SPAG8: variants seen among roughly 807,000 people sequenced by gnomAD.
The protein encoded by SPAG8 is sperm-associated antigen 8.
In SPAG8, 36 loss-of-function variants were observed where a neutral mutation model predicts 45.3. The ratio of observed to expected loss-of-function variants is 0.80; its 90% CI spans 0.61 to 1.05. The LOEUF (loss-of-function observed/expected upper bound fraction) is 1.05, where lower values mean the gene tolerates loss of function less well. Among genes scored for constraint, SPAG8 ranks in the 50% least tolerant of loss-of-function variants. SPAG8 has a pLI of 0.00. For synonymous variants in SPAG8, 227 were observed against 232.6 expected (o/e 0.98, Z 0.22); for missense variants, 573 against 609.2 (o/e 0.94, Z 0.63).
chr9:35,812,121 T>G lies in SPAG8; in HGVS notation c.27A>C (p.Gly9=). The G allele has an allele frequency of 1.9e-6, 3 of 1,608,728 alleles. No homozygotes were observed. The highest frequency in any genetic ancestry group is 2.5e-6 in the Non-Finnish European group (3 of 1,179,956). METNESTE[G]SRSRSRSLDI... is the part of the protein sequence containing the mutation. ...GCTCTCACCGCGACCGCGACCGCGATCCCTCCGTAGACTCGTTGGTCTCCA... is the reference window on the plus strand; with the variant it reads ...GCTCTCACCGCGACCGCGACCGCGAGCCCTCCGTAGACTCGTTGGTCTCCA... The change falls in exon 1 of 7, where the codon GGA becomes GGC. Residue 9 remains glycine (G), a synonymous_variant. Transcript: ENST00000396638.
At position 35,810,519 on chromosome 9, in the gene SPAG8, T is replaced by C; in HGVS notation, c.1120A>G (p.Lys374Glu). The C allele has an allele frequency of 6.2e-7, 1 of 1,614,122 alleles. No homozygotes were observed. ...EVQAEQEPTR[K>E]LFEVESVTHH... Reference sequence around the variant, plus strand: ...GTCACAGACTCAACCTCGAAGAGCTTCCTTGTGGGTTCCTGTTCTGCCTGC... The same window carrying C: ...GTCACAGACTCAACCTCGAAGAGCTCCCTTGTGGGTTCCTGTTCTGCCTGC... Residue 374 changes from lysine (K) to glutamate (E), a missense_variant, in exon 5 of 7, where the codon AAG becomes GAG. Physicochemically the swap from Lys to Glu is moderately conservative, Grantham distance 56. Coordinates refer to ENST00000396638, the MANE Select transcript of SPAG8 (RefSeq NM_001039592.2).
Position 35,810,439 on chromosome 9 carries a change from C to T in SPAG8, c.1200G>A (p.Lys400=). Residue 400 remains lysine, a splice_region_variant and synonymous_variant, in exon 5 of 7, where the codon AAG becomes AAA. Transcript: ENST00000396638. ...CGGGGGATGGGGGGTGGGTTCTCAC[C>T]TTTGTTGGGGCAGGAGTCCCTGCTT... ...LAQAGTPAPT[K]PHDYRQEQPE... is the part of the protein sequence containing the mutation. The T allele has an allele frequency of 6.2e-7, 1 of 1,613,578 alleles. No individual in the cohort carries two copies. The highest frequency in any genetic ancestry group is 2.2e-5 in the East Asian group (1 of 44,834).
At chr9:35,808,216 A>T (rs143258253), downstream of SPAG8, 1 of 1,613,788 alleles carries the variant, frequency 6.2e-7, no homozygotes, top group African/African-American at 1.3e-5. The surrounding 1 kb of genome is among the most constrained non-coding windows in gnomAD (Gnocchi z 4.0). Flanking sequence ...CTTGCTTCCC[A>T]TTTCCTGATG....
chr9:35,808,343 A>G (rs1303105639), downstream of SPAG8: 4 of 1,482,212 alleles, frequency 2.7e-6, no homozygotes, highest in Admixed American at 6.8e-5. The surrounding 1 kb of genome is among the most constrained non-coding windows in gnomAD (Gnocchi z 4.0). Flanking sequence ...TTCCCTAGAC[A>G]TCTCCTCTCC....
Position 35,810,314 on chromosome 9 carries a change from G to C in SPAG8, c.1201-5C>G. 6.2e-7 allele frequency: 1 copy of C among 1,614,186 alleles called. No individual in the cohort carries two copies. The highest frequency in any genetic ancestry group is 1.1e-5 in the South Asian group (1 of 91,082). ...CTCCTGGCGGTAGTCGTGAGGCTGT[G>C]AGGGAGGGTACTGAGTAACTCCTGG... is the stretch of plus-strand genomic sequence containing the variant. On this transcript the variant is annotated splice_region_variant and splice_polypyrimidine_tract_variant and intron_variant, in intron 5 of 6. Transcript: ENST00000396638.
chr9:35,810,580 C>G, intron 4 of SPAG8, 27 bp from the exon 5 acceptor site: 2 of 1,613,990 alleles, frequency 1.2e-6, no homozygotes, highest in Non-Finnish European at 1.7e-6. Flanking sequence ...GTGTCAAGGC[C>G]ATTCTCACCC....
At chr9:35,807,934 C>A (rs1331199449), downstream of SPAG8, 1 of 525,144 alleles carries the variant, frequency 1.9e-6, no homozygotes, top group Non-Finnish European at 3.4e-6. Flanking sequence ...ATAATAGATT[C>A]GTTGTATGGA....
chr9:35,809,973 G>A lies in SPAG8; in HGVS notation c.1423C>T (p.Leu475=), dbSNP rs368062222. 3.1e-6 allele frequency: 5 copies of A among 1,597,420 alleles called. No individual in the cohort carries two copies. Among genetic ancestry groups the A allele is most frequent in the Non-Finnish European group, 4.3e-6 (5 of 1,171,934 alleles). ...ISSLPCPGGR[L]GGGGGRMTPF ...GTCATTCTCCCCCCTCCACCACCCAGCCTTCCTCCGGGACAGGGAAGGGAA... is the reference window on the plus strand; with the variant it reads ...GTCATTCTCCCCCCTCCACCACCCAACCTTCCTCCGGGACAGGGAAGGGAA... The change falls in exon 7 of 7, where the codon CTG becomes TTG. Residue 475 remains leucine (L), a synonymous_variant. Coordinates refer to ENST00000396638, the MANE Select transcript of SPAG8 (RefSeq NM_001039592.2). This position sits in a 1 kb window ranked among gnomAD's most constrained non-coding sequence, Gnocchi z 4.1.
At chr9:35,809,290 G>A (rs1438163323), downstream of SPAG8, 1 of 1,610,718 alleles carries the variant, frequency 6.2e-7, no homozygotes, top group Non-Finnish European at 8.5e-7. This position sits in a 1 kb window ranked among gnomAD's most constrained non-coding sequence, Gnocchi z 4.1. Flanking sequence ...AAGGGAGGGT[G>A]AAAGTGATTA....
downstream of SPAG8, chr9:35,808,893 T>G: frequency 8.1e-7 from 1 of 1,233,530 alleles, no homozygotes; most frequent in Non-Finnish European, 1.2e-6. This position sits in a 1 kb window ranked among gnomAD's most constrained non-coding sequence, Gnocchi z 4.0. Flanking sequence ...GGCCTCAATT[T>G]ATCTTGCCCT....
chr9:35,810,055 C>G lies in SPAG8; in HGVS notation c.1341G>C (p.Leu447=). The change falls in exon 7 of 7, where the codon CTG becomes CTC. Residue 447 remains leucine, a synonymous_variant. Coordinates refer to ENST00000396638, the MANE Select transcript of SPAG8 (RefSeq NM_001039592.2). ...CAGGTTCATAGGGCAAAAGTTTCCC[C>G]AGAGACAAGGGTACTGGTGTTGAGA... The part of the protein sequence containing the change: ...CSFSTPVPLS[L]GKLLPYEPEN... The G allele has an allele frequency of 6.2e-7, 1 of 1,613,832 alleles. No individual in the cohort carries two copies. The highest frequency in any genetic ancestry group is 8.5e-7 in the Non-Finnish European group (1 of 1,179,832).
downstream of SPAG8, chr9:35,808,762 C>CTGTGCTGGGGT: frequency 6.2e-7 from 1 of 1,613,382 alleles, no homozygotes; most frequent in Non-Finnish European, 8.5e-7. The surrounding 1 kb of genome is among the most constrained non-coding windows in gnomAD (Gnocchi z 4.0). Flanking sequence ...AAGGGCCAGT[C>CTGTGCTGGGGT]TGTGCTGGGG....
Position 35,812,016 on chromosome 9 carries a change from A to G in SPAG8, c.45-15T>C. Reference sequence around the variant, plus strand: ...TGTCTAAAGATCTGAAAGAAAGCAAACACGACATGGCTGTCAAAAGCGCAG... The same window carrying G: ...TGTCTAAAGATCTGAAAGAAAGCAAGCACGACATGGCTGTCAAAAGCGCAG... On this transcript the variant is annotated splice_polypyrimidine_tract_variant and intron_variant, in intron 1 of 6. Coordinates refer to ENST00000396638, the MANE Select transcript of SPAG8 (RefSeq NM_001039592.2). 1 of 1,604,834 alleles carries G rather than the reference A, an allele frequency of 6.2e-7. No individual in the cohort carries two copies. The highest frequency in any genetic ancestry group is 8.5e-7 in the Non-Finnish European group (1 of 1,175,412).
rs1466862007 is a variant in SPAG8, at chr9:35,810,899, G to A, written c.1023C>T (p.Val341=). Residue 341 remains valine (V), a synonymous_variant, in exon 3 of 7, where the codon GTC becomes GTT. Transcript: ENST00000396638. ...ATTTCACACCTCGAAGTGGCCAATAGACGTTTCCTGGTGGCTGGTACGAGT... is the reference window on the plus strand; with the variant it reads ...ATTTCACACCTCGAAGTGGCCAATAAACGTTTCCTGGTGGCTGGTACGAGT... The part of the protein sequence containing the change: ...QKDSYQPPGN[V]YWPLRGKREA... The A allele has an allele frequency of 2.5e-6, 4 of 1,613,430 alleles. No homozygotes were observed. Among genetic ancestry groups the A allele is most frequent in the Admixed American group, 1.7e-5 (1 of 59,910 alleles).
Position 35,811,967 on chromosome 9 carries a change from C to T in SPAG8, c.79G>A (p.Gly27Arg). 4 of 1,600,042 alleles carry T rather than the reference C, an allele frequency of 2.5e-6. No homozygotes were observed. The highest frequency in any genetic ancestry group is 1.1e-5 in the South Asian group (1 of 90,706). The change falls in exon 2 of 7, where the codon GGG becomes AGG. Residue 27 changes from glycine to arginine, a missense_variant. By Grantham distance (125) the Gly-to-Arg change is moderately radical (BLOSUM62 -2). Transcript: ENST00000396638. ...LDIQPSSEGL[G>R]PTSEPFPSSD... is the part of the protein sequence containing the mutation. ...GAAGGAAACGGTTCCGAAGTGGGCC[C>T]CAGTCCTTCGGAGCTGGGCTGTATG...
chr9:35,808,211 T>C (rs777837984), downstream of SPAG8: 13 of 1,614,092 alleles, frequency 8.1e-6, no homozygotes, highest in South Asian at 1.1e-5. The surrounding 1 kb of genome is among the most constrained non-coding windows in gnomAD (Gnocchi z 4.0). Flanking sequence ...GTTTTCTTGC[T>C]TCCCATTTCC....
chr9:35,808,481 G>A (rs1563993589), downstream of SPAG8: 3 of 1,612,254 alleles, frequency 1.9e-6, no homozygotes, highest in Non-Finnish European at 2.5e-6. The surrounding 1 kb of genome is among the most constrained non-coding windows in gnomAD (Gnocchi z 4.0). Flanking sequence ...ATAAATAGAG[G>A]TGACCTTTTA....
Position 35,810,084 on chromosome 9 carries a change from T to C in SPAG8, c.1312A>G (p.Ser438Gly). The C allele has an allele frequency of 1.2e-6, 2 of 1,613,162 alleles. No individual in the cohort carries two copies. Among genetic ancestry groups the C allele is most frequent in the Non-Finnish European group, 1.7e-6 (2 of 1,179,448 alleles). The change falls in exon 7 of 7, where the codon AGC becomes GGC. Residue 438 changes from serine (S) to glycine (G), a missense_variant. Coordinates refer to ENST00000396638, the MANE Select transcript of SPAG8 (RefSeq NM_001039592.2). ...TLDTPFRKNC[S>G]FSTPVPLSLG... ...GACAAGGGTACTGGTGTTGAGAAGCTGCAGTTCTTCCGGAATGGTGTGTCC... is the reference window on the plus strand; with the variant it reads ...GACAAGGGTACTGGTGTTGAGAAGCCGCAGTTCTTCCGGAATGGTGTGTCC...
chr9:35,809,958 C>T lies in SPAG8; in HGVS notation c.1438G>A (p.Gly480Arg), dbSNP rs776166048. The change falls in exon 7 of 7, where the codon GGG becomes AGG. Residue 480 changes from glycine to arginine, a missense_variant. Physicochemically the swap from Gly to Arg is moderately radical, Grantham distance 125. Transcript: ENST00000396638. This position sits in a 1 kb window ranked among gnomAD's most constrained non-coding sequence, Gnocchi z 4.1. ...ACCCCTCAGAAAGGAGTCATTCTCC[C>T]CCCTCCACCACCCAGCCTTCCTCCG... is the stretch of plus-strand genomic sequence containing the variant. The part of the protein sequence containing the change: ...CPGGRLGGGG[G>R]RMTPF 3 of 1,584,374 alleles carry T rather than the reference C, an allele frequency of 1.9e-6. No individual in the cohort carries two copies. Among genetic ancestry groups the T allele is most frequent in the East Asian group, 2.2e-5 (1 of 44,830 alleles).
Sources: gnomAD v4.1 joint callset for allele counts on GRCh38, gnomAD v4.1.1 for gene constraint, Gnocchi (gnomAD v3.1) non-coding constraint, MANE v1.5 for transcripts, NCBI Gene and HGNC (gene_info 2026-07-23, HGNC 2026-07-21) for gene names.